GKAP1: variants seen among roughly 807,000 people sequenced by gnomAD.
The protein encoded by GKAP1 is G kinase anchoring protein 1.
In GKAP1, 31 loss-of-function variants were observed where a neutral mutation model predicts 56.7. The observed-to-expected ratio is 0.55, with a 90% CI of 0.41 to 0.74. GKAP1 has a LOEUF of 0.74. GKAP1 is among the 30% of genes least tolerant of loss of function. The pLI, the probability that GKAP1 is intolerant of heterozygous loss-of-function variation, is 0.00. For missense variants in GKAP1, 364 were observed against 402.3 expected, an observed-to-expected ratio of 0.90 and a Z score of 0.82; for synonymous variants, 151 against 138.6, an observed-to-expected ratio of 1.09 and a Z score of -0.63.
intron 6 of GKAP1, among the ~76,000 whole-genome samples, chr9:83,780,657 A>G (rs1943956366): frequency 6.6e-6 from 1 of 152,146 alleles, no homozygotes; most frequent in African/African-American, 2.4e-5. Flanking sequence ...ACCCATATCA[A>G]GGGATATTAT....
chr9:83,742,776 T>C (rs1221416237), intron 10 of GKAP1, among the ~76,000 whole-genome samples, 176 bp from the exon 11 acceptor site: 1 of 152,216 alleles, frequency 6.6e-6, no homozygotes, highest in Non-Finnish European at 1.5e-5. Flanking sequence ...TTCTTTTTTG[T>C]TTGTTTGTTT....
intron 10 of GKAP1, among the ~76,000 whole-genome samples, chr9:83,745,552 A>C (rs1159242237): frequency 2.6e-5 from 4 of 152,090 alleles, no homozygotes; most frequent in Non-Finnish European, 4.4e-5. Flanking sequence ...TAACTTTCTC[A>C]ATTTCCACAG....
At chr9:83,766,724 G>A (rs1420071310) in intron 8 of GKAP1, among the ~76,000 whole-genome samples, 1 of 152,174 alleles carries the variant, frequency 6.6e-6, no homozygotes, top group Non-Finnish European at 1.5e-5. Context: ...GCTATTGTAG[G>A]AATCTGTCAA....
At chr9:83,764,465 C>T (rs777633366) in intron 8 of GKAP1, among the ~76,000 whole-genome samples, 8 of 152,144 alleles carry the variant, frequency 5.3e-5, no homozygotes, top group Non-Finnish European at 1.0e-4. Context: ...ATTACCCAAT[C>T]TCGGGTATTT....
intron 4 of GKAP1, among the ~76,000 whole-genome samples, chr9:83,790,355 C>T (rs1944134075): frequency 6.6e-6 from 1 of 152,122 alleles, no homozygotes; most frequent in South Asian, 2.1e-4. Flanking sequence ...TTACTATATA[C>T]ACTTATGTAC....
At chr9:83,762,580 C>T (rs558014930) in intron 8 of GKAP1, among the ~76,000 whole-genome samples, 2 of 152,154 alleles carry the variant, frequency 1.3e-5, no homozygotes, top group Admixed American at 6.6e-5. Context: ...CCACAAAAGA[C>T]ACACTAGCCA....
In GKAP1 at chr9:83,799,264, T is replaced by G. The variant is rs770647692; in HGVS notation, c.281A>C (p.His94Pro). 3.1e-6 allele frequency: 5 copies of G among 1,608,800 alleles called. No individual in the cohort carries two copies. The highest frequency in any genetic ancestry group is 1.7e-5 in the Admixed American group (1 of 58,518). ...KSSHAVCNAQHDLPLSNPVQK... is the reference protein window; with the variant it reads ...KSSHAVCNAQPDLPLSNPVQK... The stretch of plus-strand genomic sequence containing the variant: ...TACTGGGTTTGACAATGGAAGATCA[T>G]GTTGAGCGTTACAAACAGCATGGGA... The change falls in exon 4 of 13, where the codon CAT becomes CCT. Residue 94 changes from histidine (H) to proline (P), a missense_variant. Coordinates refer to ENST00000376371, the MANE Select transcript of GKAP1 (RefSeq NM_025211.4).
At chr9:83,793,016 A>G (rs1244654922) in intron 4 of GKAP1, 1 of 1,277,096 alleles carries the variant, frequency 7.8e-7, no homozygotes, top group Non-Finnish European at 1.0e-6. Flanking sequence ...CCTACTCCCC[A>G]TCTAGTAGTA....
Position 83,794,889 on chromosome 9 carries a change from C to T in GKAP1, c.360+4296G>A, listed in dbSNP as rs540421311. Among the ~76,000 whole-genome samples, 180 of 152,186 alleles carry T rather than the reference C, an allele frequency of 1.2e-3. 1 individual carries two copies. Among genetic ancestry groups the T allele is most frequent in the African/African-American group, 4.2e-3 (173 of 41,514 alleles). On this transcript the variant is annotated intron_variant, in intron 4 of 12. Transcript: ENST00000376371. ...CAGTGGCTGGGTGTGGTGGCTCGCG[C>T]CTGTAATCCCAGCACTTTGGTAGGT...
intron 4 of GKAP1, among the ~76,000 whole-genome samples, chr9:83,798,555 T>C (rs1291323209): frequency 6.6e-6 from 1 of 152,226 alleles, no homozygotes; most frequent in African/African-American, 2.4e-5. Flanking sequence ...CTCACTCTGC[T>C]GCCCAGGCTG....
In GKAP1 at chr9:83,774,993, C is replaced by A. The variant is rs1395902275; in HGVS notation, c.585+5389G>T. ...AAGTGCTGGGATTACAGGGGTGACC[C>A]ACCGCGCCCGGCCCCTTCTTTTTTT... On this transcript the variant is annotated intron_variant, in intron 7 of 12. Transcript: ENST00000376371. 2.1e-5 allele frequency among the ~76,000 whole-genome samples: 3 copies of A among 145,066 alleles called. No individual in the cohort carries two copies. The East Asian group carries it at 6.3e-4, about 30-fold the overall frequency.
chr9:83,805,310 C>A (rs1243126361), intron 3 of GKAP1, among the ~76,000 whole-genome samples: 1 of 151,986 alleles, frequency 6.6e-6, no homozygotes, highest in Admixed American at 6.6e-5. Context: ...ATCTCAAGTA[C>A]CCAGGGACAC....
At position 83,742,030 on chromosome 9, in the gene GKAP1, C is replaced by A; in HGVS notation, c.976-1G>T. On this transcript the variant is annotated splice_acceptor_variant, in intron 11 of 12. Coordinates refer to ENST00000376371, the MANE Select transcript of GKAP1 (RefSeq NM_025211.4). LOFTEE classifies it high-confidence loss of function. ...CTAATGCAGCATGAAGTGAAGTCAC[C>A]TATAACCAAATATTCAATAAGAAAA... 1 of 1,578,162 alleles carries A rather than the reference C, an allele frequency of 6.3e-7. No homozygotes were observed. Among genetic ancestry groups the A allele is most frequent in the Non-Finnish European group, 8.6e-7 (1 of 1,163,054 alleles).
intron 7 of GKAP1, among the ~76,000 whole-genome samples, chr9:83,776,553 G>A (rs1408643725): frequency 6.6e-6 from 1 of 152,022 alleles, no homozygotes; most frequent in African/African-American, 2.4e-5. Context: ...AAATTAGCTG[G>A]GCATGGTGGT....
chr9:83,755,889 C>G (rs921942595), intron 8 of GKAP1, among the ~76,000 whole-genome samples: 1 of 149,796 alleles, frequency 6.7e-6, no homozygotes, highest in Non-Finnish European at 1.5e-5. Flanking sequence ...ACTGCAACCT[C>G]TGTCTCCCAG....
At chr9:83,784,529 C>T (rs1293477562) in intron 6 of GKAP1, among the ~76,000 whole-genome samples, 186 bp downstream of exon 6, 1 of 152,180 alleles carries the variant, frequency 6.6e-6, no homozygotes, top group Non-Finnish European at 1.5e-5. Context: ...TATAAATGAC[C>T]CATTCTCAGG....
chr9:83,768,914 T>C lies in GKAP1; in HGVS notation c.642A>G (p.Glu214=), dbSNP rs751373647. Residue 214 remains glutamate (E), a synonymous_variant, in exon 8 of 13, where the codon GAA becomes GAG. Transcript: ENST00000376371. ...TAATAAGAATTTTATGAACATCATCTTCCAGTCTATTGAAGAATCCTCCAT... is the reference window on the plus strand; with the variant it reads ...TAATAAGAATTTTATGAACATCATCCTCCAGTCTATTGAAGAATCCTCCAT... ...SHDGGFFNRL[E]DDVHKILIRE... The C allele has an allele frequency of 6.2e-7, 1 of 1,611,030 alleles. No individual in the cohort carries two copies. Among genetic ancestry groups the C allele is most frequent in the South Asian group, 1.1e-5 (1 of 91,026 alleles).
Position 83,748,318 on chromosome 9 carries a change from C to T in GKAP1, c.895G>A (p.Glu299Lys). The T allele has an allele frequency of 3.1e-6, 5 of 1,596,152 alleles. No homozygotes were observed. The highest frequency in any genetic ancestry group is 4.3e-6 in the Non-Finnish European group (5 of 1,168,172). Residue 299 changes from glutamate (E) to lysine (K), a missense_variant, in exon 10 of 13, where the codon GAA becomes AAA. Physicochemically the swap from Glu to Lys is moderately conservative, Grantham distance 56. Transcript: ENST00000376371. ...RNAQLLKMLQEGEMKDKAEIL... is the reference protein window; with the variant it reads ...RNAQLLKMLQKGEMKDKAEIL... ...CATAAAATCCACTTACTTTCACCTT[C>T]CTGAAGCATTTTCAATAATTGTGCA...
rs901000089 is a variant in GKAP1 at position 83,776,369 on chromosome 9, T to A, written c.585+4013A>T. Among the ~76,000 whole-genome samples the A allele has an allele frequency of 3.3e-5, 5 of 152,154 alleles. No homozygotes were observed. In the East Asian group the frequency reaches 7.7e-4, roughly 23 times the overall value. ...AAGCTAGATTAAATTTATTTGCTTT[T>A]AAAATTTAATAACCTAAAAAAAAGA... is the stretch of plus-strand genomic sequence containing the variant. On this transcript the variant is annotated intron_variant, in intron 7 of 12. Transcript: ENST00000376371.
Sources: allele counts gnomAD v4.1 joint callset (sites outside exome capture counted in the v4.1 genomes callset), GRCh38; gene constraint gnomAD v4.1.1; transcripts MANE v1.5; gene names NCBI Gene and HGNC (gene_info 2026-07-23, HGNC 2026-07-21).